The following DAB1 variants were observed in gnomAD, a reference collection of about 807,000 sequenced individuals.
DAB1 encodes the protein disabled homolog 1.
A neutral mutation model predicts 64.6 loss-of-function variants in DAB1; 15 were observed. That is an observed-to-expected ratio of 0.23 (90% CI 0.16 to 0.36). The LOEUF is 0.36. Ranked by LOEUF, DAB1 falls within the 10% of genes least tolerant of loss-of-function variation. The probability of loss-of-function intolerance (pLI) is 1.00; values close to 1 mark genes in which losing one functional copy is unlikely to be tolerated. For missense variants in DAB1, 596 were observed against 706.7 expected, an observed-to-expected ratio of 0.84 and a Z score of 1.78; for synonymous variants, 235 against 251.9, an observed-to-expected ratio of 0.93 and a Z score of 0.64.
chr1:58,117,399 A>G (rs1652402888), intron 5 of DAB1, among the ~76,000 whole-genome samples: 1 of 152,210 alleles, frequency 6.6e-6, no homozygotes, highest in African/African-American at 2.4e-5. Context: ...GTGATATGAT[A>G]TGGTTGCCCA....
intron 7 of DAB1, among the ~76,000 whole-genome samples, chr1:57,578,074 G>A (rs1489037848): frequency 6.6e-6 from 1 of 152,138 alleles, no homozygotes; most frequent in Non-Finnish European, 1.5e-5. Context: ...AAAGCCCTTT[G>A]GGACTCCATT....
At chr1:58,300,461 C>T (rs772715147) in intron 4 of DAB1, among the ~76,000 whole-genome samples, 31 of 150,990 alleles carry the variant, frequency 2.1e-4, no homozygotes, top group Non-Finnish European at 4.1e-4. Context: ...ACAGGAGAAT[C>T]GCTTGAACCT....
At chr1:57,446,053 T>C (rs1333101390) in intron 7 of DAB1, among the ~76,000 whole-genome samples, 1 of 152,188 alleles carries the variant, frequency 6.6e-6, no homozygotes, top group Non-Finnish European at 1.5e-5. Context: ...AATTTTATGA[T>C]TTCAGGTAAG....
intron 6 of DAB1, among the ~76,000 whole-genome samples, chr1:57,770,885 G>A (rs1649527664): frequency 6.6e-6 from 1 of 152,106 alleles, no homozygotes; most frequent in African/African-American, 2.4e-5. Flanking sequence ...AAGAAAGTCA[G>A]AGATACACAG....
At chr1:58,074,395 A>G (rs1649461319) in intron 5 of DAB1, 1 of 150,472 alleles carries the variant, frequency 6.6e-6, no homozygotes, top group Non-Finnish European at 1.5e-5. Flanking sequence ...CTTTCATTTT[A>G]CAGGTTAATA....
intron 7 of DAB1, among the ~76,000 whole-genome samples, chr1:57,582,577 C>A (rs1259946622): frequency 6.6e-6 from 1 of 152,216 alleles, no homozygotes; most frequent in Non-Finnish European, 1.5e-5. Flanking sequence ...GGAGGATACA[C>A]AAACTTTCAA....
At chr1:58,175,715 T>C (rs999638064) in intron 4 of DAB1, among the ~76,000 whole-genome samples, 8 of 152,196 alleles carry the variant, frequency 5.3e-5, no homozygotes, top group African/African-American at 1.9e-4. Flanking sequence ...GTCAATATAA[T>C]CTTCAATTTT....
At chr1:58,355,233 C>G (rs914962386) in intron 3 of DAB1, among the ~76,000 whole-genome samples, 2 of 152,132 alleles carry the variant, frequency 1.3e-5, no homozygotes, top group Non-Finnish European at 2.9e-5. Context: ...TACCATGAGC[C>G]TTTTTCCAAA....
intron 5 of DAB1, among the ~76,000 whole-genome samples, chr1:57,924,664 T>G (rs1644854841): frequency 6.6e-6 from 1 of 150,690 alleles, no homozygotes; most frequent in African/African-American, 2.4e-5. Flanking sequence ...AGATGGGGTT[T>G]TACTATGTTG....
At chr1:58,090,880 G>A (rs1279790135) in intron 5 of DAB1, among the ~76,000 whole-genome samples, 1 of 152,178 alleles carries the variant, frequency 6.6e-6, no homozygotes, top group Admixed American at 6.5e-5. Context: ...TGACACTTGA[G>A]CTATATTCTG....
chr1:58,383,497 C>A (rs1364334502), intron 3 of DAB1, among the ~76,000 whole-genome samples: 3 of 152,130 alleles, frequency 2.0e-5, no homozygotes, highest in African/African-American at 7.2e-5. Flanking sequence ...ATGTTCTCTG[C>A]CAATACCATT....
chr1:58,169,794 C>T (rs1656062436), intron 4 of DAB1, among the ~76,000 whole-genome samples: 1 of 152,262 alleles, frequency 6.6e-6, no homozygotes, highest in African/African-American at 2.4e-5. Flanking sequence ...GCAAAGAAAT[C>T]TCCAAAGGAC....
chr1:58,320,435 C>T (rs143766772), intron 4 of DAB1, among the ~76,000 whole-genome samples: 19 of 152,322 alleles, frequency 1.2e-4, no homozygotes, highest in Middle Eastern at 3.4e-3. Flanking sequence ...CTCTTTGAGG[C>T]AGGCACTATC....
intron 4 of DAB1, among the ~76,000 whole-genome samples, chr1:58,211,153 C>T (rs1363275490): frequency 1.3e-5 from 2 of 151,988 alleles, no homozygotes; most frequent in Non-Finnish European, 2.9e-5. Flanking sequence ...CGGTCAGCTG[C>T]CTAGATCCTT....
intron 1 of DAB1, among the ~76,000 whole-genome samples, chr1:57,407,237 T>C (rs1244103753): frequency 6.6e-6 from 1 of 152,198 alleles, no homozygotes; most frequent in Non-Finnish European, 1.5e-5. Context: ...TCTCCTAACC[T>C]GTGAAGACAA....
intron 6 of DAB1, among the ~76,000 whole-genome samples, chr1:57,660,906 C>T (rs1270669429): frequency 6.6e-6 from 1 of 152,192 alleles, no homozygotes; most frequent in Non-Finnish European, 1.5e-5. Flanking sequence ...CTGGCCCTGA[C>T]ACCCTTACTC....
chr1:58,132,295 C>G (rs1441004709), intron 5 of DAB1, among the ~76,000 whole-genome samples: 1 of 152,182 alleles, frequency 6.6e-6, no homozygotes. Context: ...CCAAGTGAGG[C>G]AATGCCTCAC....
intron 5 of DAB1, among the ~76,000 whole-genome samples, chr1:58,102,046 T>C (rs1216716303): frequency 1.3e-5 from 2 of 152,248 alleles, no homozygotes. Context: ...ATTTGACACA[T>C]GCTCTTCTGA....
intron 6 of DAB1, among the ~76,000 whole-genome samples, chr1:57,819,061 G>T (rs1475325347): frequency 6.6e-6 from 1 of 152,036 alleles, no homozygotes; most frequent in Non-Finnish European, 1.5e-5. Flanking sequence ...ATCCCCATGA[G>T]CCTAGCATAG....
Sources: allele counts gnomAD v4.1 joint callset (sites outside exome capture counted in the v4.1 genomes callset), GRCh38; gene constraint gnomAD v4.1.1; transcripts MANE v1.5; gene names NCBI Gene and HGNC (gene_info 2026-07-23, HGNC 2026-07-21).